Variants in NEK1 observed in about 807,000 individuals in gnomAD.
NEK1 encodes serine/threonine-protein kinase Nek1.
Under a neutral mutation model 182.1 loss-of-function variants are expected in NEK1, and 137 were observed. That is an observed-to-expected ratio of 0.75 (90% CI 0.65 to 0.87). NEK1 has a LOEUF of 0.87. Among genes scored for constraint, NEK1 ranks in the 40% least tolerant of loss-of-function variants. NEK1 has a pLI of 0.00. For missense variants in NEK1, 1,391 were observed against 1,494.4 expected, an observed-to-expected ratio of 0.93 and a Z score of 1.14; for synonymous variants, 513 against 492.2, an observed-to-expected ratio of 1.04 and a Z score of -0.56.
chr4:169,595,332 G>A (rs1259920597), intron 5 of NEK1, among the ~76,000 whole-genome samples: 1 of 152,158 alleles, frequency 6.6e-6, no homozygotes, highest in African/African-American at 2.4e-5. Flanking sequence ...ATGAATAGAT[G>A]AGGAAGCCTT....
chr4:169,448,524 G>A (rs1234099890), intron 27 of NEK1, among the ~76,000 whole-genome samples: 1 of 144,658 alleles, frequency 6.9e-6, no homozygotes, highest in African/African-American at 2.4e-5. Flanking sequence ...AAGATATGAA[G>A]GAAGGAAGGA....
rs563013126 is a variant in NEK1, at chr4:169,479,598, T to C, written c.2008-64A>G. 94 of 1,320,274 alleles carry C rather than the reference T, an allele frequency of 7.1e-5. No homozygotes were observed. The South Asian group carries it at 1.2e-3, about 17-fold the overall frequency. 81.8% of individuals were successfully genotyped at this position (1,320,274 alleles called of 1,614,324 possible). ...ATATTTGTATGAAGAAATAAAATGGTACCTACCAGATCACTATTTATCCAC... is the reference window on the plus strand; with the variant it reads ...ATATTTGTATGAAGAAATAAAATGGCACCTACCAGATCACTATTTATCCAC... On this transcript the variant is annotated intron_variant, in intron 23 of 35. Coordinates refer to ENST00000507142, the MANE Select transcript of NEK1 (RefSeq NM_001199397.3).
chr4:169,537,892 CAGCT>C lies in NEK1; in HGVS notation c.1578_1581del (p.Ala527Ter). 6.2e-7 allele frequency: 1 copy of C among 1,604,108 alleles called. No individual in the cohort carries two copies. Among genetic ancestry groups the C allele is most frequent in the Non-Finnish European group, 8.5e-7 (1 of 1,174,592 alleles). On this transcript the variant is annotated frameshift_variant, in exon 19 of 36. Transcript: ENST00000507142. LOFTEE classifies it high-confidence loss of function. Reference sequence around the variant, plus strand: ...TCTTCTACTTGTTTAGCTCTTTCTACAGCTAGCTGCCCTTTTTGCCTAATTTGGA... The same window carrying C: ...TCTTCTACTTGTTTAGCTCTTTCTACAGCTGCCCTTTTTGCCTAATTTGGA...
Position 169,406,760 on chromosome 4 carries a change from T to C in NEK1, c.3223-13A>G. On this transcript the variant is annotated splice_polypyrimidine_tract_variant and intron_variant, in intron 31 of 35. Transcript: ENST00000507142. ...ATGTCCTTAACATCTAAAATAAAAA[T>C]CAACAAATTTCTTATTAGGAGAAAG... The C allele has an allele frequency of 6.4e-7, 1 of 1,559,438 alleles. No individual in the cohort carries two copies. Among genetic ancestry groups the C allele is most frequent in the African/African-American group, 1.4e-5 (1 of 72,326 alleles).
At chr4:169,509,584 C>T (rs933940496) in intron 19 of NEK1, among the ~76,000 whole-genome samples, 1 of 152,042 alleles carries the variant, frequency 6.6e-6, no homozygotes, top group African/African-American at 2.4e-5. Flanking sequence ...AGTTTCTGAT[C>T]CCATTATGAC....
chr4:169,558,575 T>A (rs776441966), intron 16 of NEK1, among the ~76,000 whole-genome samples: 2 of 152,252 alleles, frequency 1.3e-5, no homozygotes, highest in Non-Finnish European at 2.9e-5. Flanking sequence ...TTAAGATTGA[T>A]CCATGGTGTT....
chr4:169,438,053 TA>T (rs1738751545), intron 28 of NEK1, 29 bp downstream of exon 28: 1 of 1,545,860 alleles, frequency 6.5e-7, no homozygotes, highest in Admixed American at 1.9e-5. Flanking sequence ...CTAAATCAAA[TA>T]TAGCTCATTT....
At position 169,508,773 on chromosome 4, in the gene NEK1, T is replaced by C. The variant is rs1310746613; in HGVS notation, c.1745A>G (p.Glu582Gly). The change falls in exon 20 of 36, where the codon GAA (glutamate) becomes GGA (glycine). Residue 582 changes from glutamate to glycine, a missense_variant. This residue lies in a region of NEK1 where 1,216 missense variants were observed against 1,277.6 expected (regional missense o/e 0.95). Transcript: ENST00000507142. ...GCGAACATGCGGGAAGCATACCTCT[T>C]CCTCTTTGTTTCTTGGCTTCCCTCC... ...SRGGKPRNKEEEVYLARLRQI... is the reference protein window; with the variant it reads ...SRGGKPRNKEGEVYLARLRQI... 1 of 1,577,850 alleles carries C rather than the reference T, an allele frequency of 6.3e-7. No homozygotes were observed. The highest frequency in any genetic ancestry group is 1.7e-5 in the Admixed American group (1 of 57,204).
intron 27 of NEK1, among the ~76,000 whole-genome samples, chr4:169,448,988 A>G (rs1239965014): frequency 6.6e-6 from 1 of 152,236 alleles, no homozygotes; most frequent in Non-Finnish European, 1.5e-5. Context: ...AGCAACCGGC[A>G]GACTAGGTGA....
At chr4:169,592,712 A>C (rs924719740) in intron 5 of NEK1, among the ~76,000 whole-genome samples, 14 of 146,792 alleles carry the variant, frequency 9.5e-5, no homozygotes, top group African/African-American at 2.7e-4. Flanking sequence ...AAAAAAAAAA[A>C]CTCTCAGTTC....
Position 169,403,373 on chromosome 4 carries a change from G to C in NEK1, c.3375-1513C>G, listed in dbSNP as rs143841166. On this transcript the variant is annotated intron_variant, in intron 32 of 35. Transcript: ENST00000507142. Reference sequence around the variant, plus strand: ...GCTTGAGGCCAGGAGTTTGAGACAAGCCTGGGCAACATAGCGAGACCCCTC... The same window carrying C: ...GCTTGAGGCCAGGAGTTTGAGACAACCCTGGGCAACATAGCGAGACCCCTC... 2.1e-3 allele frequency among the ~76,000 whole-genome samples: 326 copies of C among 152,080 alleles called. 1 individual carries two copies. The highest frequency in any genetic ancestry group is 3.7e-3 in the Non-Finnish European group (251 of 67,986).
At chr4:169,571,651 T>C (rs961913989) in intron 12 of NEK1, among the ~76,000 whole-genome samples, 4 of 152,150 alleles carry the variant, frequency 2.6e-5, no homozygotes, top group South Asian at 4.1e-4. Context: ...GTACCGGGAC[T>C]AGCAAGGGAA....
At chr4:169,433,771 T>A in intron 28 of NEK1, 106 bp from the exon 29 acceptor site, 1 of 1,138,944 alleles carries the variant, frequency 8.8e-7, no homozygotes, top group Non-Finnish European at 1.2e-6. Context: ...GGGTAATATA[T>A]TCATTAAAAC....
At chr4:169,577,184 G>T in intron 11 of NEK1, 105 bp from the exon 12 acceptor site, 1 of 1,097,678 alleles carries the variant, frequency 9.1e-7, no homozygotes, top group Non-Finnish European at 1.3e-6. Context: ...ATCATTGATA[G>T]TATTTTAAAC....
intron 23 of NEK1, among the ~76,000 whole-genome samples, chr4:169,506,042 G>T (rs1027937022): frequency 6.6e-6 from 1 of 150,946 alleles, no homozygotes; most frequent in Non-Finnish European, 1.5e-5. Flanking sequence ...TTCTTAACTT[G>T]TAGGTTTAAT....
In NEK1 at chr4:169,444,825, T is replaced by A. The variant is rs532001619; in HGVS notation, c.2588-6566A>T. ...TTCTTCTCATCAGCACATGCAACATTCTCCAGGACAGGCCACATGGTAGGC... is the reference window on the plus strand; with the variant it reads ...TTCTTCTCATCAGCACATGCAACATACTCCAGGACAGGCCACATGGTAGGC... On this transcript the variant is annotated intron_variant, in intron 27 of 35. Transcript: ENST00000507142. Among the ~76,000 whole-genome samples the A allele has an allele frequency of 5.9e-5, 9 of 152,204 alleles. No homozygotes were observed. In the East Asian group the frequency reaches 1.7e-3, roughly 29 times the overall value.
intron 12 of NEK1, among the ~76,000 whole-genome samples, chr4:169,570,679 C>T (rs1403799661): frequency 6.6e-6 from 1 of 152,166 alleles, no homozygotes; most frequent in Non-Finnish European, 1.5e-5. Flanking sequence ...GGGAGGTGTG[C>T]CCAGCGGCTC....
chr4:169,588,093 C>T (rs1045787705), intron 8 of NEK1, among the ~76,000 whole-genome samples: 15 of 152,048 alleles, frequency 9.9e-5, no homozygotes, highest in Non-Finnish European at 1.6e-4. Flanking sequence ...GCTCTTTCTA[C>T]GCACATATTA....
intron 19 of NEK1, among the ~76,000 whole-genome samples, chr4:169,525,148 A>C (rs1756700196): frequency 6.6e-6 from 1 of 152,120 alleles, no homozygotes; most frequent in Admixed American, 6.5e-5. Flanking sequence ...TATTTTGTTG[A>C]GAAAGAATCT....
Sources: gnomAD v4.1 joint callset for allele counts (sites outside exome capture counted in the v4.1 genomes callset) on GRCh38, gnomAD v4.1.1 for gene constraint, gnomAD v4.1.1 regional missense constraint, MANE v1.5 for transcripts, NCBI Gene and HGNC (gene_info 2026-07-23, HGNC 2026-07-21) for gene names.